CDH2: variants seen among roughly 807,000 people sequenced by gnomAD.
CDH2 encodes cadherin-2.
A neutral mutation model predicts 92.0 loss-of-function variants in CDH2; 17 were observed. That is an observed-to-expected ratio of 0.18 (90% CI 0.13 to 0.28). The LOEUF (loss-of-function observed/expected upper bound fraction) is 0.28, where lower values mean the gene tolerates loss of function less well. Among genes scored for constraint, CDH2 ranks in the 10% least tolerant of loss-of-function variants. CDH2 has a pLI of 1.00. For missense variants in CDH2, 862 were observed against 1,133.1 expected, an observed-to-expected ratio of 0.76 and a Z score of 3.44; for synonymous variants, 419 against 415.9, an observed-to-expected ratio of 1.01 and a Z score of -0.09.
chr18:27,946,635 C>T (rs1294397452), downstream of CDH2, among the ~76,000 whole-genome samples: 1 of 151,968 alleles, frequency 6.6e-6, no homozygotes. Context: ...AAATGGCAAT[C>T]TTCCTAATTA....
rs1452785687 is a variant in CDH2 at position 28,177,056 on chromosome 18, G to C, written c.-34C>G. The C allele has an allele frequency of 6.8e-7, 1 of 1,463,010 alleles. No homozygotes were observed. Among genetic ancestry groups the C allele is most frequent in the Non-Finnish European group, 9.0e-7 (1 of 1,106,480 alleles). The allele number at this position is 1,463,010 out of a possible 1,614,324, so 90.6% of individuals were successfully genotyped here. Reference sequence around the variant, plus strand: ...AGAGGGGCCGAGCGAAGAGCCGGAGGAGGCGGCGGCGGCGGCGGCGGCGGC... The same window carrying C: ...AGAGGGGCCGAGCGAAGAGCCGGAGCAGGCGGCGGCGGCGGCGGCGGCGGC... On this transcript the variant is annotated 5_prime_UTR_variant, in exon 1 of 16. Transcript: ENST00000269141.
chr18:28,044,478 C>G (rs1333672046), intron 2 of CDH2, among the ~76,000 whole-genome samples: 1 of 152,116 alleles, frequency 6.6e-6, no homozygotes, highest in African/African-American at 2.4e-5. Flanking sequence ...ATTCATCTTG[C>G]TAAAAACTTT....
chr18:28,103,593 C>A (rs2015272148), intron 2 of CDH2, among the ~76,000 whole-genome samples: 1 of 151,720 alleles, frequency 6.6e-6, no homozygotes, highest in Non-Finnish European at 1.5e-5. Flanking sequence ...TGGTGGTTTG[C>A]TGCACCCATC....
rs143855545 is a variant in CDH2, at chr18:28,003,059, T to C, written c.958A>G (p.Met320Val). 3 of 1,613,908 alleles carry C rather than the reference T, an allele frequency of 1.9e-6. No individual in the cohort carries two copies. In the African/African-American group the frequency reaches 4.0e-5, roughly 22 times the overall value. ...CCAGTCTCATTGTTGATTGTAAACA[T>C]GTTGGGTGAAGGGGTGCTTGGAGCC... ...SQAPSTPSPN[M>V]FTINNETGDI... Residue 320 changes from methionine to valine, a missense_variant, in exon 7 of 16, where the codon ATG (methionine) becomes GTG (valine). Met to Val is a conservative substitution (Grantham distance 21). Transcript: ENST00000269141.
At chr18:28,152,423 G>A (rs970382922) in intron 1 of CDH2, among the ~76,000 whole-genome samples, 1 of 152,216 alleles carries the variant, frequency 6.6e-6, no homozygotes, top group Non-Finnish European at 1.5e-5. Context: ...GTTAAGATAT[G>A]CAGAGGATAT....
At chr18:28,125,314 A>T (rs1309088629) in intron 2 of CDH2, among the ~76,000 whole-genome samples, 1 of 152,204 alleles carries the variant, frequency 6.6e-6, no homozygotes, top group Non-Finnish European at 1.5e-5. Flanking sequence ...AGGATGAATA[A>T]TACATTAAGC....
intron 3 of CDH2, 119 bp from the exon 4 acceptor site, chr18:28,012,111 G>T: frequency 1.2e-6 from 1 of 817,152 alleles, no homozygotes; most frequent in Non-Finnish European, 1.8e-6. Context: ...CAAAAAATAA[G>T]TCTGGAGGCC....
chr18:28,007,193 T>TATATATATATATATATATAC (rs778626652), intron 5 of CDH2, among the ~76,000 whole-genome samples: 5 of 142,166 alleles, frequency 3.5e-5, no homozygotes, highest in African/African-American at 1.3e-4. Flanking sequence ...TATATATATA[T>TATATATATATATATATATAC]ACGAGTATAT....
chr18:28,162,139 G>A (rs755233769), intron 1 of CDH2, among the ~76,000 whole-genome samples: 2 of 152,112 alleles, frequency 1.3e-5, no homozygotes, highest in Non-Finnish European at 2.9e-5. Flanking sequence ...TATTGCTTAG[G>A]CCCCTTCAAA....
intron 2 of CDH2, among the ~76,000 whole-genome samples, chr18:28,034,088 T>C (rs1026483616): frequency 6.6e-6 from 1 of 151,886 alleles, no homozygotes. Flanking sequence ...TGAAAAAAAA[T>C]AAAAAGAGCA....
At chr18:28,002,019 G>A (rs532333174) in intron 7 of CDH2, among the ~76,000 whole-genome samples, 39 of 152,316 alleles carry the variant, frequency 2.6e-4, no homozygotes, top group African/African-American at 9.1e-4. Context: ...ATCTCCCTAT[G>A]AGTTGGCGCT....
At chr18:28,139,531 A>G (rs747109500) in intron 2 of CDH2, among the ~76,000 whole-genome samples, 49 of 152,038 alleles carry the variant, frequency 3.2e-4, no homozygotes, top group Non-Finnish European at 4.1e-4. Context: ...TATCTAAAAC[A>G]CCAGTTGCCT....
intron 14 of CDH2, among the ~76,000 whole-genome samples, chr18:27,968,370 C>A (rs182263215): frequency 7.5e-4 from 114 of 152,180 alleles, no homozygotes; most frequent in Middle Eastern, 3.4e-3. Flanking sequence ...TGAAGAAATG[C>A]ACGAAAGAGT....
intron 2 of CDH2, among the ~76,000 whole-genome samples, chr18:28,019,071 C>A (rs1018134163): frequency 2.0e-5 from 3 of 151,888 alleles, no homozygotes; most frequent in Non-Finnish European, 4.4e-5. Context: ...CCTATGTTCT[C>A]GCTCATAAGT....
intron 1 of CDH2, among the ~76,000 whole-genome samples, chr18:28,171,124 G>T (rs1341222136): frequency 6.6e-6 from 1 of 151,872 alleles, no homozygotes; most frequent in Non-Finnish European, 1.5e-5. Context: ...CAGCTACACA[G>T]GAGGCTGAGG....
At chr18:28,016,649 T>C (rs2013256326) in intron 2 of CDH2, among the ~76,000 whole-genome samples, 1 of 152,176 alleles carries the variant, frequency 6.6e-6, no homozygotes, top group African/African-American at 2.4e-5. Flanking sequence ...AAGTCATCTA[T>C]GCACATGGCT....
intron 2 of CDH2, among the ~76,000 whole-genome samples, chr18:28,136,640 T>G (rs2015867032): frequency 2.6e-5 from 4 of 152,154 alleles, no homozygotes; most frequent in East Asian, 1.9e-4. Context: ...AAAGTAGACT[T>G]CTATATAAAA....
At chr18:27,962,709 T>C (rs2011439804) in intron 15 of CDH2, among the ~76,000 whole-genome samples, 1 of 152,204 alleles carries the variant, frequency 6.6e-6, no homozygotes, top group Admixed American at 6.5e-5. Flanking sequence ...GCACAAATCA[T>C]TGAACTTCAA....
At chr18:28,159,551 T>C (rs2037938516) in intron 1 of CDH2, among the ~76,000 whole-genome samples, 1 of 152,030 alleles carries the variant, frequency 6.6e-6, no homozygotes. Context: ...CTGGGGATCT[T>C]GAGAAATAAA....
Sources: gnomAD v4.1 joint callset for allele counts (sites outside exome capture counted in the v4.1 genomes callset) on GRCh38, gnomAD v4.1.1 for gene constraint, MANE v1.5 for transcripts, NCBI Gene and HGNC (gene_info 2026-07-23, HGNC 2026-07-21) for gene names.